PLCG2: variants seen among roughly 807,000 people sequenced by gnomAD.
The protein encoded by PLCG2 is phospholipase C gamma 2.
In PLCG2, 69 loss-of-function variants were observed where a neutral mutation model predicts 175.6. That is an observed-to-expected ratio of 0.39 (90% CI 0.32 to 0.48). The LOEUF (loss-of-function observed/expected upper bound fraction) is 0.48. Among genes scored for constraint, PLCG2 ranks in the 20% least tolerant of loss-of-function variants. PLCG2 has a pLI of 0.91. For missense variants in PLCG2, 1,798 were observed against 1,650.9 expected (o/e 1.09, Z -1.54); for synonymous variants, 827 against 624.0 (o/e 1.33, Z -4.85).
chr16:81,812,830 C>G (rs894456522), intron 2 of PLCG2, among the ~76,000 whole-genome samples: 1 of 152,064 alleles, frequency 6.6e-6, no homozygotes, highest in Non-Finnish European at 1.5e-5. Flanking sequence ...AGTCTTTTAT[C>G]CATCTTGAGT....
intron 5 of PLCG2, among the ~76,000 whole-genome samples, chr16:81,863,911 C>T (rs1229467934): frequency 2.0e-5 from 3 of 152,084 alleles, no homozygotes; most frequent in East Asian, 1.9e-4. Context: ...TCTCATTCAG[C>T]GTGAATGCAA....
intron 5 of PLCG2, among the ~76,000 whole-genome samples, chr16:81,860,311 C>T (rs1453866246): frequency 6.6e-6 from 1 of 151,864 alleles, no homozygotes; most frequent in Non-Finnish European, 1.5e-5. Flanking sequence ...GAGCGCTGCT[C>T]CCAATCCTTT....
intron 31 of PLCG2, among the ~76,000 whole-genome samples, chr16:81,950,044 C>T (rs1911306105): frequency 6.6e-6 from 1 of 152,114 alleles, no homozygotes; most frequent in South Asian, 2.1e-4. Flanking sequence ...AGGAGATCAA[C>T]ATAAACTTGA....
At chr16:81,884,344 C>T (rs191681809) in intron 9 of PLCG2, among the ~76,000 whole-genome samples, 39 of 152,034 alleles carry the variant, frequency 2.6e-4, no homozygotes, top group Admixed American at 7.2e-4. Flanking sequence ...GAGCAAGACT[C>T]CGTCTCAGAA....
chr16:81,826,764 G>A (rs940292185), intron 2 of PLCG2, among the ~76,000 whole-genome samples: 1 of 152,180 alleles, frequency 6.6e-6, no homozygotes, highest in African/African-American at 2.4e-5. Flanking sequence ...TCATAAAGTA[G>A]CAAGAACCTT....
In PLCG2 at chr16:81,918,504, T is replaced by C. The variant is rs564634570; in HGVS notation, c.2055-980T>C. Among the ~76,000 whole-genome samples, 10 of 152,360 alleles carry C rather than the reference T, an allele frequency of 6.6e-5. No individual in the cohort carries two copies. In the East Asian group the frequency reaches 1.2e-3, roughly 18 times the overall value. ...TCCCAACCCTACTTATTTAACAGAC[T>C]GTCCTTTCCCCCTGGTGTGTTCTAG... On this transcript the variant is annotated intron_variant, in intron 19 of 32. Transcript: ENST00000564138.
chr16:81,782,569 T>G (rs572620080), intron 1 of PLCG2, among the ~76,000 whole-genome samples: 1 of 152,250 alleles, frequency 6.6e-6, no homozygotes, highest in African/African-American at 2.4e-5. Flanking sequence ...CAGGGATCTT[T>G]TGGCCGTGAA....
At chr16:81,848,662 G>T (rs970551035) in intron 2 of PLCG2, among the ~76,000 whole-genome samples, 1 of 151,982 alleles carries the variant, frequency 6.6e-6, no homozygotes, top group Non-Finnish European at 1.5e-5. Flanking sequence ...CCCTCTTGAG[G>T]TCCCCATTTC....
intron 17 of PLCG2, among the ~76,000 whole-genome samples, chr16:81,908,856 C>T (rs543237788): frequency 6.6e-6 from 1 of 152,160 alleles, no homozygotes; most frequent in Non-Finnish European, 1.5e-5. Flanking sequence ...AAAATATGAA[C>T]ATTTTAAACA....
Position 81,785,907 on chromosome 16 carries a change from C to A in PLCG2, c.-47-36C>A, listed in dbSNP as rs148066456. On this transcript the variant is annotated intron_variant, in intron 1 of 32. Transcript: ENST00000564138. Reference sequence around the variant, plus strand: ...CCTGTTAACTAAACCCCTTTCAGTACTAAAATCAGTTCACTCTTTAATTCT... The same window carrying A: ...CCTGTTAACTAAACCCCTTTCAGTAATAAAATCAGTTCACTCTTTAATTCT... 1.1e-4 allele frequency: 148 copies of A among 1,320,904 alleles called. 1 individual carries two copies. In the African/African-American group the frequency reaches 1.9e-3, roughly 17 times the overall value. The allele number at this position is 1,320,904 out of a possible 1,614,324, so 81.8% of individuals were successfully genotyped here.
chr16:81,767,286 G>A (rs1007843132), intron 2 of PLCG2, among the ~76,000 whole-genome samples: 3 of 151,780 alleles, frequency 2.0e-5, no homozygotes, highest in African/African-American at 7.3e-5. Context: ...CTGGGGTTAC[G>A]GGCGTCTGCC....
At chr16:81,876,297 A>G (rs1203838833) in intron 7 of PLCG2, among the ~76,000 whole-genome samples, 2 of 152,270 alleles carry the variant, frequency 1.3e-5, no homozygotes, top group East Asian at 1.9e-4. Flanking sequence ...TGCTGGGATT[A>G]TAGACATGAG....
intron 2 of PLCG2, among the ~76,000 whole-genome samples, chr16:81,805,621 C>T (rs895433950): frequency 1.3e-5 from 2 of 151,790 alleles, no homozygotes; most frequent in African/African-American, 4.8e-5. Context: ...ATGCCTCACA[C>T]CCCCTTCCCC....
intron 2 of PLCG2, among the ~76,000 whole-genome samples, chr16:81,799,997 C>A (rs1911651450): frequency 6.6e-6 from 1 of 152,214 alleles, no homozygotes; most frequent in Admixed American, 6.5e-5. Flanking sequence ...GGGTTCAGAT[C>A]TTGGCTATGC....
intron 19 of PLCG2, among the ~76,000 whole-genome samples, chr16:81,916,801 C>G (rs1909861451): frequency 6.6e-6 from 1 of 152,134 alleles, no homozygotes; most frequent in Non-Finnish European, 1.5e-5. Flanking sequence ...CCATGCCTGG[C>G]TAAGTTTTGT....
rs759622571 is a variant in PLCG2, at chr16:81,905,426, C to G, written c.1386C>G (p.Gly462=). 2.0e-5 allele frequency: 32 copies of G among 1,613,818 alleles called. No individual in the cohort carries two copies. The Admixed American group carries it at 5.2e-4, about 26-fold the overall frequency. ...AGCATAAGAAGCTGGGCCCCCGAGG[C>G]GATGTGGATGTCAACATGGAGGACA... ...IIKHKKLGPR[G]DVDVNMEDKK... Residue 462 remains glycine (G), a synonymous_variant, in exon 15 of 33, where the codon GGC becomes GGG. Transcript: ENST00000564138.
intron 21 of PLCG2, 27 bp from the exon 22 acceptor site, chr16:81,923,458 C>A (rs776467861): frequency 2.0e-6 from 3 of 1,484,694 alleles, no homozygotes; most frequent in Admixed American, 1.7e-5. Context: ...CCTGGCCTGA[C>A]CTTTTCCTTC....
rs113184259 is a variant in PLCG2, at chr16:81,746,410, A to T, written c.-145+7025A>T. ...AGCGGTGAACGCACTGCATTCTGGG[A>T]AATGTAGTCGAAACGGCCGCTGGGG... is the stretch of plus-strand genomic sequence containing the variant. On this transcript the variant is annotated intron_variant, in intron 1 of 5. Transcript: ENST00000565054. 3.8e-3 allele frequency among the ~76,000 whole-genome samples: 586 copies of T among 152,276 alleles called. 4 individuals are homozygous for T. The highest frequency in any genetic ancestry group is 0.013 in the African/African-American group (558 of 41,566).
chr16:81,898,812 T>C (rs1409755000), intron 13 of PLCG2, among the ~76,000 whole-genome samples: 2 of 152,174 alleles, frequency 1.3e-5, no homozygotes, highest in African/African-American at 4.8e-5. Context: ...CAGGGGATGT[T>C]CTTAAGAGAT....
Sources: allele counts gnomAD v4.1 joint callset (sites outside exome capture counted in the v4.1 genomes callset), GRCh38; gene constraint gnomAD v4.1.1; transcripts MANE v1.5; gene names NCBI Gene and HGNC (gene_info 2026-07-23, HGNC 2026-07-21).